CNTN4: variants seen among roughly 807,000 people sequenced by gnomAD.
CNTN4 encodes contactin 4, also known as contactin-4.
CNTN4 carries 77 observed loss-of-function variants against 122.5 expected under a neutral mutation model. The ratio of observed to expected loss-of-function variants is 0.63; its 90% CI spans 0.52 to 0.76. CNTN4 has a LOEUF of 0.76. Ranked by LOEUF, CNTN4 falls within the 30% of genes least tolerant of loss-of-function variation. The pLI, the probability that CNTN4 is intolerant of heterozygous loss-of-function variation, is 0.00. For synonymous variants in CNTN4, 512 were observed against 447.0 expected (o/e 1.15, Z -1.83); for missense variants, 1,256 against 1,259.1 (o/e 1.00, Z 0.04).
At chr3:2,669,367 G>C (rs569707608) in intron 4 of CNTN4, among the ~76,000 whole-genome samples, 1 of 152,354 alleles carries the variant, frequency 6.6e-6, no homozygotes, top group Admixed American at 6.5e-5. Flanking sequence ...AGATTTTCTA[G>C]TGCATTTGCA....
chr3:2,998,384 C>T (rs1235436609), intron 14 of CNTN4, among the ~76,000 whole-genome samples: 1 of 152,082 alleles, frequency 6.6e-6, no homozygotes, highest in Non-Finnish European at 1.5e-5. Flanking sequence ...ATGCATATTC[C>T]TGGACCCTAC....
intron 13 of CNTN4, among the ~76,000 whole-genome samples, chr3:2,944,916 G>A (rs567742383): frequency 6.6e-6 from 1 of 152,312 alleles, no homozygotes; most frequent in Admixed American, 6.5e-5. Flanking sequence ...CCCACTGAGA[G>A]CTCTGGAGCT....
chr3:2,383,856 C>A lies in CNTN4; in HGVS notation c.-89+44623C>A, dbSNP rs181292560. Among the ~76,000 whole-genome samples the A allele has an allele frequency of 3.0e-3, 451 of 151,900 alleles. 2 individuals are homozygous for A. Among genetic ancestry groups the A allele is most frequent in the South Asian group, 6.5e-3 (31 of 4,806 alleles). ...ATCTCACTCCATATATATATAAATT[C>A]TGTATACAGTTACTCCTTGACTTGT... On this transcript the variant is annotated intron_variant, in intron 3 of 24. Transcript: ENST00000418658.
At chr3:2,351,199 C>T (rs1287946802) in intron 3 of CNTN4, among the ~76,000 whole-genome samples, 1 of 152,068 alleles carries the variant, frequency 6.6e-6, no homozygotes, top group Non-Finnish European at 1.5e-5. Context: ...ACAACTTCTG[C>T]CATGAATGTG....
At chr3:2,520,247 G>A (rs1408880626) in intron 3 of CNTN4, among the ~76,000 whole-genome samples, 4 of 139,056 alleles carry the variant, frequency 2.9e-5, no homozygotes, top group Admixed American at 7.2e-5. Context: ...AAGATAGGTT[G>A]GTGATTGCTT....
chr3:2,111,184 C>G lies in CNTN4; in HGVS notation c.-145+10545C>G, dbSNP rs531590234. Among the ~76,000 whole-genome samples the G allele has an allele frequency of 3.9e-5, 6 of 152,194 alleles. No homozygotes were observed. In the South Asian group the frequency reaches 1.0e-3, roughly 26 times the overall value. ...CCCGATACCAAAACAATTATGGATACTATTAAGGTGGCTGTAATGCTTATA... is the reference window on the plus strand; with the variant it reads ...CCCGATACCAAAACAATTATGGATAGTATTAAGGTGGCTGTAATGCTTATA... On this transcript the variant is annotated intron_variant, in intron 2 of 24. Coordinates refer to ENST00000418658, the MANE Select transcript of CNTN4 (RefSeq NM_175607.3).
intron 2 of CNTN4, among the ~76,000 whole-genome samples, chr3:2,123,581 A>T (rs574694496): frequency 1.3e-5 from 2 of 152,260 alleles, no homozygotes; most frequent in East Asian, 3.9e-4. Context: ...GTATCTTCCC[A>T]TGCTGACCCT....
chr3:2,512,524 A>T, intron 3 of CNTN4, among the ~76,000 whole-genome samples: 1 of 152,210 alleles, frequency 6.6e-6, no homozygotes, highest in East Asian at 1.9e-4. Context: ...TCACATGATC[A>T]ATGCCTTAGT....
intron 3 of CNTN4, among the ~76,000 whole-genome samples, chr3:2,418,919 C>T (rs760690274): frequency 1.1e-4 from 17 of 152,086 alleles, no homozygotes; most frequent in African/African-American, 3.4e-4. Flanking sequence ...TCCTACAACC[C>T]GTAGGATGAA....
At chr3:2,972,311 C>T (rs1255690345) in intron 13 of CNTN4, among the ~76,000 whole-genome samples, 1 of 152,098 alleles carries the variant, frequency 6.6e-6, no homozygotes, top group African/African-American at 2.4e-5. Flanking sequence ...CATACACACA[C>T]AGACACATAC....
At chr3:2,799,346 A>G (rs2092289232) in intron 6 of CNTN4, among the ~76,000 whole-genome samples, 1 of 152,144 alleles carries the variant, frequency 6.6e-6, no homozygotes. Context: ...ATTAAGTTTC[A>G]TGTGTCTATT....
intron 6 of CNTN4, among the ~76,000 whole-genome samples, chr3:2,767,558 A>G (rs1369772881): frequency 6.6e-6 from 1 of 151,932 alleles, no homozygotes; most frequent in Non-Finnish European, 1.5e-5. Context: ...TGTTTTTTAA[A>G]TTTTCAGTTA....
chr3:2,546,580 C>CA (rs755314341), intron 3 of CNTN4, among the ~76,000 whole-genome samples: 4 of 151,990 alleles, frequency 2.6e-5, no homozygotes, highest in East Asian at 1.9e-4. Context: ...ATCTGTACAC[C>CA]AAACCTCCAT....
intron 2 of CNTN4, among the ~76,000 whole-genome samples, chr3:2,298,229 C>A (rs1019602561): frequency 2.0e-5 from 3 of 152,118 alleles, no homozygotes; most frequent in African/African-American, 7.2e-5. Context: ...ATAATTTTAA[C>A]CTCCTCCTTT....
At chr3:2,998,342 A>T (rs1166807844) in intron 14 of CNTN4, among the ~76,000 whole-genome samples, 3 of 152,182 alleles carry the variant, frequency 2.0e-5, no homozygotes, top group African/African-American at 7.2e-5. Context: ...GTAGACCACA[A>T]GCATCAGAAT....
intron 8 of CNTN4, among the ~76,000 whole-genome samples, chr3:2,880,855 A>G (rs549726142): frequency 2.0e-5 from 3 of 152,282 alleles, no homozygotes; most frequent in Non-Finnish European, 4.4e-5. Flanking sequence ...AAAGAAAGGG[A>G]TAGATTAGAA....
intron 3 of CNTN4, among the ~76,000 whole-genome samples, chr3:2,510,368 GTTT>G (rs1388568558): frequency 1.0e-4 from 11 of 104,830 alleles, no homozygotes; most frequent in South Asian, 2.9e-4. Flanking sequence ...CTGTTTGTTT[GTTT>G]GGGGTTTTTT....
At chr3:2,672,333 C>T (rs999949687) in intron 4 of CNTN4, among the ~76,000 whole-genome samples, 1 of 152,198 alleles carries the variant, frequency 6.6e-6, no homozygotes, top group East Asian at 1.9e-4. Context: ...CTCCCCCAGC[C>T]TCGCTGCTGC....
intron 2 of CNTN4, among the ~76,000 whole-genome samples, chr3:2,293,433 G>A (rs527600800): frequency 6.6e-6 from 1 of 152,252 alleles, no homozygotes; most frequent in Non-Finnish European, 1.5e-5. Context: ...AGGCAGAATG[G>A]CATAGTATTT....
Sources: gnomAD v4.1 joint callset for allele counts (sites outside exome capture counted in the v4.1 genomes callset) on GRCh38, gnomAD v4.1.1 for gene constraint, MANE v1.5 for transcripts, NCBI Gene and HGNC (gene_info 2026-07-23, HGNC 2026-07-21) for gene names.